The following TRDMT1 variants were observed in gnomAD, a reference collection of about 807,000 sequenced individuals.
TRDMT1 encodes the protein tRNA aspartic acid methyltransferase 1, also known as tRNA (cytosine(38)-C(5))-methyltransferase.
A neutral mutation model predicts 51.2 loss-of-function variants in TRDMT1; 49 were observed. The observed-to-expected ratio is 0.96, with a 90% CI of 0.76 to 1.21. The LOEUF (loss-of-function observed/expected upper bound fraction) is 1.21, where lower values mean the gene tolerates loss of function less well. Ranked by LOEUF, TRDMT1 falls within the 50% of genes most tolerant of loss-of-function variation. The probability of loss-of-function intolerance (pLI) is 0.00; values close to 1 mark genes in which losing one functional copy is unlikely to be tolerated. For missense variants in TRDMT1, 534 were observed against 462.3 expected, an observed-to-expected ratio of 1.16 and a Z score of -1.42; for synonymous variants, 187 against 164.6, an observed-to-expected ratio of 1.14 and a Z score of -1.04.
At chr10:17,156,075 G>A (rs1345492229) in intron 8 of TRDMT1, among the ~76,000 whole-genome samples, 2 of 152,196 alleles carry the variant, frequency 1.3e-5, no homozygotes, top group South Asian at 2.1e-4. Flanking sequence ...AATTCAGAAT[G>A]ACTCTGGTAT....
At chr10:17,186,627 C>T (rs897394579) in intron 1 of TRDMT1, among the ~76,000 whole-genome samples, 3 of 152,116 alleles carry the variant, frequency 2.0e-5, no homozygotes, top group Non-Finnish European at 2.9e-5. Flanking sequence ...AGATAATAAA[C>T]CTGTGTTGCT....
chr10:17,166,687 T>G (rs1166730509), intron 3 of TRDMT1, among the ~76,000 whole-genome samples: 5 of 152,192 alleles, frequency 3.3e-5, no homozygotes, highest in Non-Finnish European at 4.4e-5. Flanking sequence ...CTTCAGTTCT[T>G]ATTTGTCCTT....
chr10:17,169,669 T>C, intron 2 of TRDMT1: 1 of 502,236 alleles, frequency 2.0e-6, no homozygotes, highest in Non-Finnish European at 3.5e-6. Flanking sequence ...TTCCTAATTA[T>C]AGCCCACTTC....
intron 7 of TRDMT1, among the ~76,000 whole-genome samples, 164 bp from the exon 8 acceptor site, chr10:17,157,948 G>A (rs1002814270): frequency 6.6e-6 from 1 of 152,052 alleles, no homozygotes; most frequent in Non-Finnish European, 1.5e-5. Flanking sequence ...GTTATTACAC[G>A]TTATTAATCA....
rs909443017 is a variant in TRDMT1, at chr10:17,143,346, G to A, written c.*5694C>T. On this transcript the variant is annotated 3_prime_UTR_variant, in exon 11 of 11. Transcript: ENST00000377799. ...TGGAAGTTTACATTCTCTAAAACATGAAACATTTTCCATTTTTAAAACTCA... is the reference window on the plus strand; with the variant it reads ...TGGAAGTTTACATTCTCTAAAACATAAAACATTTTCCATTTTTAAAACTCA... The A allele has an allele frequency of 1.0e-6, 1 of 985,420 alleles. No individual in the cohort carries two copies. The highest frequency in any genetic ancestry group is 1.1e-4 in the East Asian group (1 of 8,824). 61.0% of individuals were successfully genotyped at this position (985,420 alleles called of 1,614,324 possible).
chr10:17,176,640 G>A (rs1404664231), intron 1 of TRDMT1, among the ~76,000 whole-genome samples: 2 of 152,120 alleles, frequency 1.3e-5, no homozygotes, highest in East Asian at 3.9e-4. Flanking sequence ...AGAAATGGAT[G>A]TACTAAGATA....
At chr10:17,169,049 C>T in intron 2 of TRDMT1, 132 bp from the exon 3 acceptor site, 1 of 659,936 alleles carries the variant, frequency 1.5e-6, no homozygotes, top group Non-Finnish European at 2.5e-6. Flanking sequence ...GTCAAATCAA[C>T]TTTGGTTAAC....
intron 1 of TRDMT1, among the ~76,000 whole-genome samples, chr10:17,198,247 T>C (rs1035346392): frequency 1.3e-5 from 2 of 152,192 alleles, no homozygotes; most frequent in Non-Finnish European, 2.9e-5. Context: ...AGGCTGGTGG[T>C]TCCTCAAGAG....
chr10:17,153,534 T>C lies in TRDMT1; in HGVS notation c.1048A>G (p.Asn350Asp), dbSNP rs376209431. ...LRYFTPKEIA[N>D]LLGFPPEFGF... ...AACTCTGGAGGAAATCCAAGGAGAT[T>C]TGCTATTTCTTTAGGAGTGAAATAT... is the stretch of plus-strand genomic sequence containing the variant. The change falls in exon 10 of 11, where the codon AAT becomes GAT. Residue 350 changes from asparagine (N) to aspartate (D), a missense_variant. Asn to Asp is a conservative substitution (Grantham distance 23). Coordinates refer to ENST00000377799, the MANE Select transcript of TRDMT1 (RefSeq NM_004412.7). 1 of 1,613,964 alleles carries C rather than the reference T, an allele frequency of 6.2e-7. No homozygotes were observed. Among genetic ancestry groups the C allele is most frequent in the African/African-American group, 1.3e-5 (1 of 74,938 alleles).
chr10:17,144,239 A>G lies in TRDMT1; in HGVS notation c.*4801T>C. 1 of 985,620 alleles carries G rather than the reference A, an allele frequency of 1.0e-6. No individual in the cohort carries two copies. Among genetic ancestry groups the G allele is most frequent in the East Asian group, 1.1e-4 (1 of 8,824 alleles). The allele number at this position is 985,620 out of a possible 1,614,324, so 61.1% of individuals were successfully genotyped here. ...GATTATAGAGCTAATTTAGCTAAAC[A>G]AACATGTTCTCTATGTACACTCTTA... On this transcript the variant is annotated 3_prime_UTR_variant, in exon 11 of 11. Coordinates refer to ENST00000377799, the MANE Select transcript of TRDMT1 (RefSeq NM_004412.7).
intron 1 of TRDMT1, among the ~76,000 whole-genome samples, chr10:17,176,274 T>C (rs899089285): frequency 4.6e-5 from 7 of 152,208 alleles, no homozygotes; most frequent in African/African-American, 1.7e-4. Context: ...CCTGCTTGTA[T>C]TTCCACCATA....
At chr10:17,192,321 C>T (rs1844797435) in intron 1 of TRDMT1, among the ~76,000 whole-genome samples, 1 of 152,050 alleles carries the variant, frequency 6.6e-6, no homozygotes, top group African/African-American at 2.4e-5. Context: ...GGATCAGAGA[C>T]CAGTAGTTCA....
At chr10:17,178,676 G>A (rs1245727809) in intron 1 of TRDMT1, among the ~76,000 whole-genome samples, 3 of 114,700 alleles carry the variant, frequency 2.6e-5, no homozygotes, top group African/African-American at 8.9e-5. Flanking sequence ...ACTCTGTCTC[G>A]GAAAAAAAAA....
chr10:17,172,044 A>G (rs762313305), intron 2 of TRDMT1: 2 of 167,054 alleles, frequency 1.2e-5, no homozygotes, highest in Non-Finnish European at 2.9e-5. Context: ...GTGAAGAAAG[A>G]GAACAGAGAT....
In TRDMT1 at chr10:17,138,895, A is replaced by C. The variant is rs1362823431; in HGVS notation, c.*10145T>G. ...ACAGGGGTGTTCGTGGCACATGTAT[A>C]CACACGTGTGCACACACAGCTTCCT... On this transcript the variant is annotated 3_prime_UTR_variant, in exon 11 of 11. Coordinates refer to ENST00000377799, the MANE Select transcript of TRDMT1 (RefSeq NM_004412.7). Among the ~76,000 whole-genome samples the C allele has an allele frequency of 6.6e-6, 1 of 152,316 alleles. No individual in the cohort carries two copies. Among genetic ancestry groups the C allele is most frequent in the African/African-American group, 2.4e-5 (1 of 41,566 alleles).
chr10:17,170,241 G>A (rs11254421), intron 2 of TRDMT1, among the ~76,000 whole-genome samples: 1 of 152,082 alleles, frequency 6.6e-6, no homozygotes, highest in African/African-American at 2.4e-5. Flanking sequence ...TGATAAGGCA[G>A]TTAGGCAAAA....
At position 17,157,700 on chromosome 10, in the gene TRDMT1, C is replaced by A. The variant is rs780907376; in HGVS notation, c.628G>T (p.Val210Phe). The stretch of plus-strand genomic sequence containing the variant: ...CCATCAAAGCTAATATTTGGTTCAA[C>A]GTTCTTTTCTTGAATTTTATTTTCT... ...DVENKIQEKN[V>F]EPNISFDGSI... Residue 210 changes from valine to phenylalanine, a missense_variant, in exon 8 of 11, where the codon GTT becomes TTT. Coordinates refer to ENST00000377799, the MANE Select transcript of TRDMT1 (RefSeq NM_004412.7). 2.5e-6 allele frequency: 4 copies of A among 1,612,150 alleles called. No homozygotes were observed. In the Admixed American group the frequency reaches 6.7e-5, roughly 27 times the overall value.
At chr10:17,150,087 C>A (rs996428827) in intron 10 of TRDMT1, among the ~76,000 whole-genome samples, 3 of 152,284 alleles carry the variant, frequency 2.0e-5, no homozygotes, top group South Asian at 2.1e-4. Context: ...CACCATTTCA[C>A]ATTCACACAC....
rs75687833 is a variant in TRDMT1 at position 17,139,901 on chromosome 10, C to T, written c.*9139G>A. ...ATGCTTTCTTTATAGTGACTTGGAC[C>T]ATATTTGTTACGGAAGTACTGCTAA... On this transcript the variant is annotated 3_prime_UTR_variant, in exon 11 of 11. Transcript: ENST00000377799. Among the ~76,000 whole-genome samples the T allele has an allele frequency of 0.035, 5,247 of 152,008 alleles. 290 individuals are homozygous for T. Among genetic ancestry groups the T allele is most frequent in the African/African-American group, 0.12 (4,955 of 41,392 alleles).
Sources: allele counts gnomAD v4.1 joint callset (sites outside exome capture counted in the v4.1 genomes callset), GRCh38; gene constraint gnomAD v4.1.1; transcripts MANE v1.5; gene names NCBI Gene and HGNC (gene_info 2026-07-23, HGNC 2026-07-21).